CNTN5: variants seen among roughly 807,000 people sequenced by gnomAD.
The protein encoded by CNTN5 is contactin-5.
In CNTN5, 77 loss-of-function variants were observed where a neutral mutation model predicts 129.1. The ratio of observed to expected loss-of-function variants is 0.60; its 90% CI spans 0.50 to 0.72. The LOEUF (loss-of-function observed/expected upper bound fraction) is 0.72. Ranked by LOEUF, CNTN5 falls within the 30% of genes least tolerant of loss-of-function variation. The pLI is 0.00. For synonymous variants in CNTN5, 509 were observed against 465.6 expected, an observed-to-expected ratio of 1.09 and a Z score of -1.20; for missense variants, 1,478 against 1,328.8, an observed-to-expected ratio of 1.11 and a Z score of -1.75.
chr11:99,493,041 A>G (rs747681341), intron 2 of CNTN5, among the ~76,000 whole-genome samples: 45 of 152,308 alleles, frequency 3.0e-4, no homozygotes, highest in Middle Eastern at 3.4e-3. Context: ...GGAGAAATGC[A>G]GGAGACTGTT....
At chr11:99,957,140 C>A in intron 8 of CNTN5, 131 bp downstream of exon 8, 1 of 779,432 alleles carries the variant, frequency 1.3e-6, no homozygotes, top group Non-Finnish European at 2.0e-6. Context: ...TATTTAGACA[C>A]TACATTTTTA....
chr11:99,996,009 G>A (rs1164875500), intron 8 of CNTN5, among the ~76,000 whole-genome samples: 1 of 152,034 alleles, frequency 6.6e-6, no homozygotes, highest in Non-Finnish European at 1.5e-5. Flanking sequence ...ATATCTTGTA[G>A]GTACTTCAAA....
intron 2 of CNTN5, among the ~76,000 whole-genome samples, chr11:99,396,953 A>C (rs1381025505): frequency 1.3e-5 from 2 of 151,712 alleles, no homozygotes; most frequent in Non-Finnish European, 3.0e-5. Context: ...ACTTTGGCTT[A>C]AGAAGTATTG....
intron 3 of CNTN5, among the ~76,000 whole-genome samples, chr11:99,710,567 A>G (rs143688054): frequency 8.5e-4 from 120 of 140,578 alleles, no homozygotes; most frequent in African/African-American, 3.0e-3. Flanking sequence ...GTGTGTGTGC[A>G]TGTGTGTGTG....
chr11:100,023,905 C>G (rs1437531517), intron 9 of CNTN5, among the ~76,000 whole-genome samples: 1 of 151,990 alleles, frequency 6.6e-6, no homozygotes, highest in Non-Finnish European at 1.5e-5. Context: ...TTTATCTATT[C>G]AGCTACTAAA....
chr11:100,296,996 A>C (rs1266106275), intron 18 of CNTN5, among the ~76,000 whole-genome samples: 1 of 151,586 alleles, frequency 6.6e-6, no homozygotes, highest in Non-Finnish European at 1.5e-5. Context: ...TGGTGCAATG[A>C]AGGGGAAATT....
intron 3 of CNTN5, among the ~76,000 whole-genome samples, chr11:99,720,068 C>A (rs1271441813): frequency 2.6e-5 from 4 of 152,034 alleles, no homozygotes; most frequent in African/African-American, 9.7e-5. Context: ...AACCCTGGGA[C>A]CTGATGAGTT....
At chr11:99,841,097 A>C (rs544360321) in intron 4 of CNTN5, among the ~76,000 whole-genome samples, 2 of 152,228 alleles carry the variant, frequency 1.3e-5, no homozygotes, top group African/African-American at 2.4e-5. Context: ...CATTTGAAAT[A>C]CTTTCTTTTT....
At chr11:99,698,646 T>C (rs1000819927) in intron 3 of CNTN5, among the ~76,000 whole-genome samples, 3 of 151,584 alleles carry the variant, frequency 2.0e-5, no homozygotes, top group African/African-American at 7.2e-5. Context: ...GTTTCAGTAA[T>C]TGCATGGTAG....
At chr11:100,020,104 A>T (rs374529893) in intron 9 of CNTN5, among the ~76,000 whole-genome samples, 2 of 151,432 alleles carry the variant, frequency 1.3e-5, no homozygotes, top group Non-Finnish European at 3.0e-5. Flanking sequence ...CACTCTGTTG[A>T]TTGTTTGTTT....
intron 3 of CNTN5, among the ~76,000 whole-genome samples, chr11:99,795,815 T>C (rs2135457693): frequency 6.6e-6 from 1 of 152,144 alleles, no homozygotes; most frequent in South Asian, 2.1e-4. Context: ...AGTTATGAGG[T>C]CACTGACTTA....
At chr11:99,639,559 G>GTTTTTTTTTTTTT (rs71050010) in intron 3 of CNTN5, among the ~76,000 whole-genome samples, 2 of 70,322 alleles carry the variant, frequency 2.8e-5, no homozygotes, top group Non-Finnish European at 5.0e-5. Context: ...TCACCTTTAT[G>GTTTTTTTTTTTTT]TTTTTTTTTT....
At chr11:99,986,753 C>G (rs1272256260) in intron 8 of CNTN5, among the ~76,000 whole-genome samples, 2 of 152,100 alleles carry the variant, frequency 1.3e-5, no homozygotes, top group Non-Finnish European at 1.5e-5. Flanking sequence ...TTTTCTTATA[C>G]CTAATCCTAT....
intron 1 of CNTN5, among the ~76,000 whole-genome samples, chr11:99,265,700 A>G (rs1392387344): frequency 6.6e-6 from 1 of 152,034 alleles, no homozygotes; most frequent in Non-Finnish European, 1.5e-5. Context: ...TTATATTTAT[A>G]TATTTTATCT....
intron 9 of CNTN5, among the ~76,000 whole-genome samples, chr11:100,058,095 T>A (rs1303707477): frequency 9.2e-5 from 14 of 152,136 alleles, no homozygotes; most frequent in Non-Finnish European, 1.5e-5. Flanking sequence ...TGTTTTAAAC[T>A]AAACAATTAC....
intron 6 of CNTN5, among the ~76,000 whole-genome samples, chr11:99,858,468 ATATGCAAGCAGGCC>A (rs1480306841): frequency 6.6e-6 from 1 of 152,020 alleles, no homozygotes; most frequent in Admixed American, 6.6e-5. Context: ...CTGTGCACCA[ATATGCAAGCAGGCC>A]TAGTAACTTG....
intron 2 of CNTN5, among the ~76,000 whole-genome samples, chr11:99,543,318 A>G (rs1341948986): frequency 6.6e-6 from 1 of 152,220 alleles, no homozygotes; most frequent in Admixed American, 6.5e-5. Flanking sequence ...TATTTGGGTC[A>G]CTGGCCAATT....
chr11:99,575,819 C>G (rs1241639227), intron 3 of CNTN5, among the ~76,000 whole-genome samples: 1 of 151,996 alleles, frequency 6.6e-6, no homozygotes, highest in Non-Finnish European at 1.5e-5. Context: ...GGTAGTCTCC[C>G]CAGGGGTGGA....
intron 2 of CNTN5, among the ~76,000 whole-genome samples, chr11:99,441,686 A>C (rs958036621): frequency 6.6e-6 from 1 of 152,206 alleles, no homozygotes; most frequent in African/African-American, 2.4e-5. Flanking sequence ...TTGTTTTCTC[A>C]AAAATTAAAA....
Sources: allele counts gnomAD v4.1 joint callset (sites outside exome capture counted in the v4.1 genomes callset), GRCh38; gene constraint gnomAD v4.1.1; transcripts MANE v1.5; gene names NCBI Gene and HGNC (gene_info 2026-07-23, HGNC 2026-07-21).